NPAS1: variants seen among roughly 807,000 people sequenced by gnomAD.
NPAS1 encodes the protein neuronal PAS domain protein 1.
Under a neutral mutation model 49.2 loss-of-function variants are expected in NPAS1, and 29 were observed. That is an observed-to-expected ratio of 0.59 (90% CI 0.44 to 0.80). The LOEUF (loss-of-function observed/expected upper bound fraction) is 0.80, where lower values mean the gene tolerates loss of function less well. Ranked by LOEUF, NPAS1 falls within the 30% of genes least tolerant of loss-of-function variation. The pLI is 0.00. For synonymous variants in NPAS1, 408 were observed against 380.4 expected, an observed-to-expected ratio of 1.07 and a Z score of -0.84; for missense variants, 825 against 835.5, an observed-to-expected ratio of 0.99 and a Z score of 0.15.
At chr19:47,040,861 G>T (rs537479628) in intron 9 of NPAS1, 117 bp from the exon 10 acceptor site, 63 of 835,158 alleles carry the variant, frequency 7.5e-5, no homozygotes, top group Non-Finnish European at 1.1e-4. Flanking sequence ...TCTCCCCACC[G>T]TCTCCCTGCC....
At position 47,021,722 on chromosome 19, in the gene NPAS1, T is replaced by C. The variant is rs1454389277; in HGVS notation, c.233T>C (p.Ile78Thr). Residue 78 changes from isoleucine (I) to threonine (T), a missense_variant, in exon 3 of 12, where the codon ATC becomes ACC. Coordinates refer to ENST00000602212, the MANE Select transcript of NPAS1 (RefSeq NM_002517.4). The surrounding 1 kb of genome is among the most constrained non-coding windows in gnomAD (Gnocchi z 5.7). ...LAKLLPLPGA[I>T]SSQLDKASIV... ...AAGCTTCTCCCGCTGCCCGGCGCCA[T>C]CTCCAGCCAGCTGGACAAGGCTTCC... The C allele has an allele frequency of 1.3e-6, 2 of 1,551,696 alleles. No individual in the cohort carries two copies. Among genetic ancestry groups the C allele is most frequent in the East Asian group, 4.9e-5 (2 of 40,850 alleles).
At chr19:47,040,749 T>C (rs569945338) in intron 9 of NPAS1, 199 bp downstream of exon 9, 57 of 561,098 alleles carry the variant, frequency 1.0e-4, no homozygotes, top group Non-Finnish European at 1.6e-4. Context: ...GGGGGGGGGG[T>C]CTGGGGGGCT....
chr19:47,043,272 CTG>C (rs1382079663), intron 11 of NPAS1, among the ~76,000 whole-genome samples: 1 of 7,266 alleles, frequency 1.4e-4, no homozygotes. Flanking sequence ...GAGCGAGACT[CTG>C]TCTCAAAAAA....
intron 3 of NPAS1, among the ~76,000 whole-genome samples, chr19:47,026,896 T>C (rs906739320): frequency 6.6e-6 from 1 of 150,642 alleles, no homozygotes; most frequent in Admixed American, 6.6e-5. Flanking sequence ...GAGGTTGCGG[T>C]GAGCTGAGAT....
At chr19:47,032,247 C>T (rs1481427721) in intron 3 of NPAS1, 31 bp from the exon 4 acceptor site, 5 of 1,604,708 alleles carry the variant, frequency 3.1e-6, no homozygotes, top group Non-Finnish European at 4.3e-6. Flanking sequence ...GTCAGCCAGA[C>T]TAACAGGCTT....
At chr19:47,025,508 C>G (rs919174607) in intron 3 of NPAS1, among the ~76,000 whole-genome samples, 1 of 151,568 alleles carries the variant, frequency 6.6e-6, no homozygotes, top group Admixed American at 6.6e-5. Flanking sequence ...AAACTCCTGA[C>G]CTCAGGTGAT....
In NPAS1 at chr19:47,041,053, C is replaced by A; in HGVS notation, c.1145C>A (p.Ser382Tyr). 6.3e-7 allele frequency: 1 copy of A among 1,590,762 alleles called. No homozygotes were observed. Residue 382 changes from serine to tyrosine, a missense_variant, in exon 10 of 12, where the codon TCT becomes TAT. Physicochemically the swap from Ser to Tyr is moderately radical, Grantham distance 144. Coordinates refer to ENST00000602212, the MANE Select transcript of NPAS1 (RefSeq NM_002517.4). ...QRAGGFVWLQ[S>Y]VATVAGSGKS... ...GCCGGGGGCTTCGTGTGGCTGCAGTCTGTGGCCACAGTGGCTGGGAGCGGG... is the reference window on the plus strand; with the variant it reads ...GCCGGGGGCTTCGTGTGGCTGCAGTATGTGGCCACAGTGGCTGGGAGCGGG...
intron 9 of NPAS1, chr19:47,040,776 A>T: frequency 1.7e-6 from 1 of 600,718 alleles, no homozygotes; most frequent in Non-Finnish European, 2.9e-6. Flanking sequence ...TCTCCAAAAC[A>T]CCCAAGAGGC....
At chr19:47,036,169 G>T in intron 6 of NPAS1, 40 bp downstream of exon 6, 1 of 1,542,592 alleles carries the variant, frequency 6.5e-7, no homozygotes, top group Non-Finnish European at 8.8e-7. Flanking sequence ...TCTGAGGGTA[G>T]ATCGGGGGAC....
chr19:47,036,447 T>C (rs1242351862), intron 6 of NPAS1, among the ~76,000 whole-genome samples: 4 of 152,156 alleles, frequency 2.6e-5, no homozygotes, highest in Admixed American at 2.6e-4. Context: ...TCACATTACA[T>C]AATTACGTTA....
chr19:47,037,510 C>T (rs2056969803), intron 6 of NPAS1, among the ~76,000 whole-genome samples: 1 of 152,024 alleles, frequency 6.6e-6, no homozygotes, highest in Admixed American at 6.6e-5. Flanking sequence ...GGATTCTAGC[C>T]CAGGTCTGTC....
At position 47,045,278 on chromosome 19, in the gene NPAS1, C is replaced by G; in HGVS notation, c.1400C>G (p.Pro467Arg). The change falls in exon 12 of 12, where the codon CCC becomes CGC. Residue 467 changes from proline to arginine, a missense_variant. Pro to Arg is a moderately radical substitution (Grantham distance 103, BLOSUM62 -2). Coordinates refer to ENST00000602212, the MANE Select transcript of NPAS1 (RefSeq NM_002517.4). ...QTQGKRIKVEPGPRETKGSED... is the reference protein window; with the variant it reads ...QTQGKRIKVERGPRETKGSED... ...CAGGGCAAACGCATCAAAGTGGAGCCCGGCCCGAGGGAAACCAAAGGCTCC... is the reference window on the plus strand; with the variant it reads ...CAGGGCAAACGCATCAAAGTGGAGCGCGGCCCGAGGGAAACCAAAGGCTCC... The G allele has an allele frequency of 6.2e-7, 1 of 1,614,040 alleles. No individual in the cohort carries two copies. The highest frequency in any genetic ancestry group is 8.5e-7 in the Non-Finnish European group (1 of 1,180,000).
At chr19:47,035,860 C>A (rs959262010) in intron 5 of NPAS1, 104 bp from the exon 6 acceptor site, 2 of 1,177,586 alleles carry the variant, frequency 1.7e-6, no homozygotes, top group African/African-American at 3.1e-5. Context: ...TGGCATGAAG[C>A]GCACCTGCGT....
chr19:47,029,990 C>T (rs922560494), intron 3 of NPAS1, among the ~76,000 whole-genome samples: 2 of 152,062 alleles, frequency 1.3e-5, no homozygotes, highest in Non-Finnish European at 2.9e-5. Flanking sequence ...CCAACACTTA[C>T]TTTCTGTGTT....
intron 10 of NPAS1, 47 bp from the exon 11 acceptor site, chr19:47,042,763 A>G (rs758713622): frequency 2.0e-6 from 3 of 1,515,076 alleles, no homozygotes; most frequent in Non-Finnish European, 2.7e-6. Flanking sequence ...GGGAGTCCTG[A>G]GAGGCCAAGG....
At chr19:47,040,643 C>T (rs780436524) in intron 9 of NPAS1, 93 bp downstream of exon 9, 2 of 816,484 alleles carry the variant, frequency 2.4e-6, no homozygotes, top group Middle Eastern at 3.4e-4. Context: ...TTCAGGGCTG[C>T]CCACAGTCCC....
At chr19:47,029,550 C>G (rs138066055) in intron 3 of NPAS1, among the ~76,000 whole-genome samples, 55 of 152,198 alleles carry the variant, frequency 3.6e-4, no homozygotes, top group Non-Finnish European at 7.4e-4. Flanking sequence ...CAGGCACATG[C>G]TACCACACCC....
intron 3 of NPAS1, among the ~76,000 whole-genome samples, chr19:47,029,878 T>C (rs954208873): frequency 6.6e-6 from 1 of 152,264 alleles, no homozygotes; most frequent in Admixed American, 6.5e-5. Context: ...GATAATTCCA[T>C]GTTAACTTAT....
At chr19:47,027,327 T>TCCCCCTCTCTCTGCCCCCGGTC (rs2056877354) in intron 3 of NPAS1, among the ~76,000 whole-genome samples, 1 of 118,462 alleles carries the variant, frequency 8.4e-6, no homozygotes, top group African/African-American at 3.8e-5. Context: ...TGCCCCTGGA[T>TCCCCCTCTCTCTGCCCCCGGTC]CCCCCTCTCT....
Sources: allele counts gnomAD v4.1 joint callset (sites outside exome capture counted in the v4.1 genomes callset), GRCh38; gene constraint gnomAD v4.1.1; non-coding constraint Gnocchi (gnomAD v3.1); transcripts MANE v1.5; gene names NCBI Gene and HGNC (gene_info 2026-07-23, HGNC 2026-07-21).